Variants in SPRED2 observed in about 807,000 individuals in gnomAD.
The protein encoded by SPRED2 is sprouty-related, EVH1 domain-containing protein 2.
A neutral mutation model predicts 43.0 loss-of-function variants in SPRED2; 47 were observed. The ratio of observed to expected loss-of-function variants is 1.09; its 90% CI spans 0.87 to 1.40. The LOEUF (loss-of-function observed/expected upper bound fraction) is 1.40, where lower values mean the gene tolerates loss of function less well. Ranked by LOEUF, SPRED2 falls within the 40% of genes most tolerant of loss-of-function variation. The pLI is 0.00. For synonymous variants in SPRED2, 225 were observed against 225.7 expected (o/e 1.00, Z 0.03); for missense variants, 561 against 586.4 (o/e 0.96, Z 0.45).
chr2:65,424,289 C>G (rs1185018096), intron 1 of SPRED2, among the ~76,000 whole-genome samples: 1 of 151,958 alleles, frequency 6.6e-6, no homozygotes, highest in Non-Finnish European at 1.5e-5. Context: ...AACTCAAAGT[C>G]TTTTTTGGAT....
At chr2:65,334,854 A>G (rs547028670) in intron 2 of SPRED2, 81 bp from the exon 3 acceptor site, 42 of 1,480,380 alleles carry the variant, frequency 2.8e-5, no homozygotes, top group Non-Finnish European at 3.7e-5. Flanking sequence ...ATTAGGAACC[A>G]TCACTGGTGG....
chr2:65,371,211 T>G (rs1370909053), intron 1 of SPRED2, among the ~76,000 whole-genome samples: 1 of 152,194 alleles, frequency 6.6e-6, no homozygotes, highest in Non-Finnish European at 1.5e-5. Flanking sequence ...CAGGAAAACT[T>G]GTTTATTTGG....
At chr2:65,344,994 T>C (rs1422337428) in intron 1 of SPRED2, 98 bp from the exon 2 acceptor site, 5 of 1,234,308 alleles carry the variant, frequency 4.1e-6, no homozygotes, top group Non-Finnish European at 4.4e-6. Context: ...AGCACTTTTT[T>C]TGTTTTATCG....
At chr2:65,398,226 CA>C (rs1304692409) in intron 1 of SPRED2, among the ~76,000 whole-genome samples, 1 of 152,186 alleles carries the variant, frequency 6.6e-6, no homozygotes, top group Non-Finnish European at 1.5e-5. Flanking sequence ...TCATCTTATA[CA>C]AAAATCAACT....
At chr2:65,429,319 T>C (rs1676625160) in intron 1 of SPRED2, among the ~76,000 whole-genome samples, 1 of 152,228 alleles carries the variant, frequency 6.6e-6, no homozygotes, top group African/African-American at 2.4e-5. Context: ...GTCTCCAGTT[T>C]GATGCCACCA....
At chr2:65,309,361 C>G (rs1384184663), downstream of SPRED2, among the ~76,000 whole-genome samples, 1 of 151,726 alleles carries the variant, frequency 6.6e-6, no homozygotes, top group African/African-American at 2.4e-5. Context: ...AAACAGTTAG[C>G]TGGGCATGGT....
intron 2 of SPRED2, among the ~76,000 whole-genome samples, chr2:65,336,388 T>C (rs540712731): frequency 2.0e-4 from 30 of 151,826 alleles, no homozygotes; most frequent in African/African-American, 7.0e-4. Context: ...AGAAATAAAT[T>C]AAGGGTTGTC....
chr2:65,376,963 C>T (rs906722395), intron 1 of SPRED2, among the ~76,000 whole-genome samples: 3 of 152,198 alleles, frequency 2.0e-5, no homozygotes, highest in African/African-American at 7.2e-5. Flanking sequence ...ATCCGCCTGC[C>T]TCGGCCTCCC....
intron 1 of SPRED2, among the ~76,000 whole-genome samples, chr2:65,351,175 C>G (rs1674500719): frequency 6.6e-6 from 1 of 152,106 alleles, no homozygotes; most frequent in Admixed American, 6.6e-5. Context: ...GGGAAGCTGT[C>G]AGGCTCTTGA....
In SPRED2 at chr2:65,312,177, G is replaced by C; in HGVS notation, c.*1324C>G. The C allele has an allele frequency of 1.0e-6, 1 of 985,742 alleles. No individual in the cohort carries two copies. Among genetic ancestry groups the C allele is most frequent in the Non-Finnish European group, 1.2e-6 (1 of 829,940 alleles). 61.1% of individuals were successfully genotyped at this position (985,742 alleles called of 1,614,324 possible). On this transcript the variant is annotated 3_prime_UTR_variant, in exon 6 of 6. Transcript: ENST00000356388. ...TAATTAGAAGCCTCCTCCGTGGCAA[G>C]GCGACAGGCAGAACCAGTTGGCTGA...
rs139826301 is a variant in SPRED2, at chr2:65,368,979, G to A, written c.27-24083C>T. Among the ~76,000 whole-genome samples the A allele has an allele frequency of 2.6e-5, 4 of 152,260 alleles. No homozygotes were observed. The South Asian group carries it at 6.2e-4, about 24-fold the overall frequency. ...GGTCCCAGCTACACAGAAAGCTGAG[G>A]CAGGAGGATAGCCTGAACCTGGGAG... On this transcript the variant is annotated intron_variant, in intron 1 of 5. Transcript: ENST00000356388.
At chr2:65,326,841 A>G (rs893595033) in intron 4 of SPRED2, among the ~76,000 whole-genome samples, 4 of 152,094 alleles carry the variant, frequency 2.6e-5, no homozygotes, top group African/African-American at 9.7e-5. Context: ...TGTTTCTTAA[A>G]AAAACAATTT....
chr2:65,388,792 C>G (rs1675565272), intron 1 of SPRED2, among the ~76,000 whole-genome samples: 1 of 152,160 alleles, frequency 6.6e-6, no homozygotes, highest in Admixed American at 6.5e-5. Flanking sequence ...AAGCAAAACC[C>G]AAACCCTGAG....
chr2:65,325,367 G>A (rs1673579538), intron 4 of SPRED2, among the ~76,000 whole-genome samples: 1 of 152,226 alleles, frequency 6.6e-6, no homozygotes, highest in Non-Finnish European at 1.5e-5. Flanking sequence ...TAAGGAGCTA[G>A]ACCACATCAT....
chr2:65,407,373 T>C (rs1397360459), intron 1 of SPRED2, among the ~76,000 whole-genome samples: 1 of 150,190 alleles, frequency 6.7e-6, no homozygotes, highest in Non-Finnish European at 1.5e-5. Context: ...GGTGTGTGTG[T>C]GTGCGTGTGT....
downstream of SPRED2, chr2:65,308,308 C>T (rs1441838220): frequency 5.1e-6 from 5 of 985,354 alleles, no homozygotes; most frequent in Non-Finnish European, 6.0e-6. Context: ...CCCACAGAGG[C>T]CACCGACTTT....
chr2:65,420,209 CAAAAAAAAAAAAAAA>C (rs61448407), intron 1 of SPRED2, among the ~76,000 whole-genome samples: 2 of 79,816 alleles, frequency 2.5e-5, no homozygotes, highest in African/African-American at 1.1e-4. Flanking sequence ...GACTCTGTCT[CAAAAAAAAAAAAAAA>C]AAAAAAAAAG....
chr2:65,404,743 G>A (rs1414935469), intron 1 of SPRED2, among the ~76,000 whole-genome samples: 4 of 152,154 alleles, frequency 2.6e-5, no homozygotes, highest in African/African-American at 9.7e-5. Flanking sequence ...GAGCAAACAG[G>A]ACTGGCTGTA....
intron 2 of SPRED2, 95 bp from the exon 3 acceptor site, chr2:65,334,868 C>A: frequency 7.8e-7 from 1 of 1,283,934 alleles, no homozygotes; most frequent in Non-Finnish European, 1.1e-6. Context: ...CTGGTGGCAA[C>A]TACCAAAACC....
Sources: allele counts gnomAD v4.1 joint callset (sites outside exome capture counted in the v4.1 genomes callset), GRCh38; gene constraint gnomAD v4.1.1; transcripts MANE v1.5; gene names NCBI Gene and HGNC (gene_info 2026-07-23, HGNC 2026-07-21).